SYK: variants seen among roughly 807,000 people sequenced by gnomAD.
SYK encodes the protein tyrosine-protein kinase SYK.
Under a neutral mutation model 77.8 loss-of-function variants are expected in SYK, and 16 were observed. That is an observed-to-expected ratio of 0.21 (90% CI 0.14 to 0.31). The LOEUF (loss-of-function observed/expected upper bound fraction) is 0.31. SYK is among the 10% of genes least tolerant of loss of function. The probability of loss-of-function intolerance (pLI) is 1.00; values close to 1 mark genes in which losing one functional copy is unlikely to be tolerated. For synonymous variants in SYK, 312 were observed against 308.7 expected, an observed-to-expected ratio of 1.01 and a Z score of -0.11; for missense variants, 529 against 814.4, an observed-to-expected ratio of 0.65 and a Z score of 4.26.
At chr9:90,814,834 G>GCACA (rs567535954) in intron 1 of SYK, among the ~76,000 whole-genome samples, 13 of 69,788 alleles carry the variant, frequency 1.9e-4, no homozygotes, top group Admixed American at 7.9e-4. Context: ...CAACACACGT[G>GCACA]CACACACACA....
chr9:90,811,728 G>A (rs969123277), intron 1 of SYK, among the ~76,000 whole-genome samples: 2 of 149,702 alleles, frequency 1.3e-5, no homozygotes, highest in African/African-American at 4.9e-5. Flanking sequence ...AGCCAGCCTG[G>A]GCAATATGGC....
At chr9:90,877,332 C>G (rs912011765) in intron 9 of SYK, among the ~76,000 whole-genome samples, 2 of 152,210 alleles carry the variant, frequency 1.3e-5, no homozygotes, top group Non-Finnish European at 2.9e-5. Context: ...CATGAGCCAC[C>G]ATGCCCAGCC....
At chr9:90,859,560 A>G (rs1206008571) in intron 3 of SYK, among the ~76,000 whole-genome samples, 2 of 152,238 alleles carry the variant, frequency 1.3e-5, no homozygotes, top group East Asian at 1.9e-4. Context: ...TGAAGCTGCT[A>G]TAAGTAGCCT....
chr9:90,821,038 A>T (rs1456836070), intron 1 of SYK, among the ~76,000 whole-genome samples: 5 of 152,144 alleles, frequency 3.3e-5, no homozygotes, highest in African/African-American at 1.2e-4. Context: ...CTAAAACATA[A>T]CAAGAGTCAC....
chr9:90,864,535 T>G, intron 4 of SYK, 54 bp from the exon 5 acceptor site: 1 of 1,482,846 alleles, frequency 6.7e-7, no homozygotes, highest in African/African-American at 1.4e-5. Flanking sequence ...CAGTCACTAT[T>G]TGTCTATTTC....
chr9:90,827,318 G>A (rs1825696882), intron 1 of SYK, among the ~76,000 whole-genome samples: 1 of 152,160 alleles, frequency 6.6e-6, no homozygotes, highest in Non-Finnish European at 1.5e-5. Context: ...GAGGCCCCGT[G>A]CTGCTGGGGA....
In SYK at chr9:90,884,693, A is replaced by G. The variant is rs111216789; in HGVS notation, c.1582-3056A>G. 3.7e-5 allele frequency among the ~76,000 whole-genome samples: 2 copies of G among 53,736 alleles called. 1 individual carries two copies. The highest frequency in any genetic ancestry group is 6.7e-5 in the Non-Finnish European group (2 of 29,760). 35.3% of individuals were successfully genotyped at this position (53,736 alleles called of 152,430 possible). ...TGTACATATATACACATATACACAT[A>G]TGTGTACATGTACATATACACATAT... On this transcript the variant is annotated intron_variant, in intron 11 of 13. Coordinates refer to ENST00000375754, the MANE Select transcript of SYK (RefSeq NM_003177.7).
Position 90,897,237 on chromosome 9 carries a change from G to A in SYK, c.*1637G>A. The stretch of plus-strand genomic sequence containing the variant: ...ACCCAAGCTCAGCCACAGAAGACAG[G>A]AGTCACTCATATAACTTGTGTTTAG... On this transcript the variant is annotated 3_prime_UTR_variant, in exon 14 of 14. Transcript: ENST00000375754. 1 of 230,912 alleles carries A rather than the reference G, an allele frequency of 4.3e-6. No individual in the cohort carries two copies. The allele number at this position is 230,912 out of a possible 1,614,324, so 14.3% of individuals were successfully genotyped here.
intron 1 of SYK, among the ~76,000 whole-genome samples, chr9:90,815,405 T>TG (rs1825253130): frequency 6.6e-6 from 1 of 152,214 alleles, no homozygotes; most frequent in Admixed American, 6.5e-5. Context: ...CTCCAGGCGC[T>TG]GGGGCAGAGA....
At chr9:90,838,223 A>G (rs957263727) in intron 1 of SYK, among the ~76,000 whole-genome samples, 4 of 152,216 alleles carry the variant, frequency 2.6e-5, no homozygotes, top group African/African-American at 7.2e-5. Flanking sequence ...ATTTTTGATG[A>G]CTTATTCTGC....
chr9:90,881,020 A>G (rs1358467798), intron 11 of SYK, among the ~76,000 whole-genome samples: 26 of 152,188 alleles, frequency 1.7e-4, no homozygotes, highest in Admixed American at 1.7e-3. Context: ...GGGGGCTGCC[A>G]GGCCTATAAA....
intron 3 of SYK, among the ~76,000 whole-genome samples, chr9:90,857,987 T>C (rs1412141241): frequency 6.6e-6 from 1 of 152,176 alleles, no homozygotes; most frequent in Non-Finnish European, 1.5e-5. Context: ...TGGGCTGGAA[T>C]GTGCCCGGCT....
intron 1 of SYK, among the ~76,000 whole-genome samples, chr9:90,832,295 A>C (rs1825925933): frequency 6.6e-6 from 1 of 152,256 alleles, no homozygotes; most frequent in Non-Finnish European, 1.5e-5. Context: ...GATGAAATGG[A>C]GAGAGGAGAA....
chr9:90,826,518 G>A (rs1384112465), intron 1 of SYK, among the ~76,000 whole-genome samples: 4 of 152,238 alleles, frequency 2.6e-5, no homozygotes, highest in African/African-American at 9.6e-5. Flanking sequence ...TTGGGGTGCA[G>A]GTGCAGATTG....
intron 3 of SYK, among the ~76,000 whole-genome samples, chr9:90,849,579 A>C (rs1826738918): frequency 6.6e-6 from 1 of 152,198 alleles, no homozygotes; most frequent in Admixed American, 6.5e-5. Flanking sequence ...CTCCTCTTAA[A>C]TCATTACTGA....
rs1301265898 is a variant in SYK at position 90,884,246 on chromosome 9, T to TAC, written c.1582-3499_1582-3498dup. Among the ~76,000 whole-genome samples, 29 of 64,844 alleles carry TAC rather than the reference T, an allele frequency of 4.5e-4. 1 individual carries two copies. The highest frequency in any genetic ancestry group is 1.2e-3 in the African/African-American group (19 of 15,506). 42.5% of individuals were successfully genotyped at this position (64,844 alleles called of 152,430 possible). A position where few individuals can be genotyped will look rare whatever the true frequency, so the allele number is the denominator to read the frequency against. Reference sequence around the variant, plus strand: ...ATACACATACACATACGTGTATATATACACATACACATACACATACGTGTA... The same window carrying TAC: ...ATACACATACACATACGTGTATATATACACACATACACATACACATACGTGTA... On this transcript the variant is annotated intron_variant, in intron 11 of 13. Transcript: ENST00000375754.
intron 1 of SYK, among the ~76,000 whole-genome samples, chr9:90,803,008 A>G (rs936969483): frequency 4.6e-5 from 7 of 152,138 alleles, no homozygotes; most frequent in African/African-American, 1.4e-4. Flanking sequence ...AACTAAATAC[A>G]TTGATGTCCT....
intron 9 of SYK, among the ~76,000 whole-genome samples, 162 bp from the exon 10 acceptor site, chr9:90,877,409 G>C (rs935892723): frequency 6.6e-6 from 1 of 152,220 alleles, no homozygotes; most frequent in African/African-American, 2.4e-5. Context: ...ATATAGGTTG[G>C]AAGGCCAGCC....
intron 3 of SYK, among the ~76,000 whole-genome samples, chr9:90,847,013 A>G (rs552643840): frequency 1.7e-4 from 26 of 152,358 alleles, no homozygotes; most frequent in African/African-American, 6.3e-4. Context: ...GCCTGCTCAT[A>G]GCCTCTTTGG....
Sources: allele counts gnomAD v4.1 joint callset (sites outside exome capture counted in the v4.1 genomes callset), GRCh38; gene constraint gnomAD v4.1.1; transcripts MANE v1.5; gene names NCBI Gene and HGNC (gene_info 2026-07-23, HGNC 2026-07-21).